PPME1: variants seen among roughly 807,000 people sequenced by gnomAD.
PPME1 encodes testicular secretory protein Li 39.
A neutral mutation model predicts 56.9 loss-of-function variants in PPME1; 17 were observed. That is an observed-to-expected ratio of 0.30 (90% CI 0.20 to 0.45). The LOEUF (loss-of-function observed/expected upper bound fraction) is 0.45, where lower values mean the gene tolerates loss of function less well. Ranked by LOEUF, PPME1 falls within the 20% of genes least tolerant of loss-of-function variation. The pLI is 1.00. For missense variants in PPME1, 357 were observed against 483.2 expected, an observed-to-expected ratio of 0.74 and a Z score of 2.45; for synonymous variants, 122 against 156.2, an observed-to-expected ratio of 0.78 and a Z score of 1.63.
At position 74,251,635 on chromosome 11, in the gene PPME1, C is replaced by G. The variant is rs779228861; in HGVS notation, c.1075-13C>G. On this transcript the variant is annotated splice_polypyrimidine_tract_variant and intron_variant, in intron 12 of 13. Coordinates refer to ENST00000328257, the MANE Select transcript of PPME1 (RefSeq NM_016147.3). ...AACCTTTATATGGCCTGGAATATCT[C>G]TCCCATTTCCAGGTAGCTGAAGCTG... 1 of 1,612,476 alleles carries G rather than the reference C, an allele frequency of 6.2e-7. No individual in the cohort carries two copies. The highest frequency in any genetic ancestry group is 2.2e-5 in the East Asian group (1 of 44,886).
intron 1 of PPME1, among the ~76,000 whole-genome samples, chr11:74,172,045 A>G (rs1857258856): frequency 6.6e-6 from 1 of 152,208 alleles, no homozygotes; most frequent in Non-Finnish European, 1.5e-5. Context: ...AGAAGGAAAG[A>G]GGAGAACTAG....
chr11:74,180,356 A>G (rs1489723998), intron 1 of PPME1, among the ~76,000 whole-genome samples: 2 of 152,172 alleles, frequency 1.3e-5, no homozygotes, highest in African/African-American at 2.4e-5. Context: ...GGTGCTTAGA[A>G]TGCTGTCTCC....
In PPME1 at chr11:74,230,811, A is replaced by C; in HGVS notation, c.554-101A>C. On this transcript the variant is annotated intron_variant, in intron 6 of 13. Transcript: ENST00000328257. This position sits in a 1 kb window ranked among gnomAD's most constrained non-coding sequence, Gnocchi z 4.9. ...TTTATTTCTCTGCGAGCATCACTAA[A>C]TTCTGCTGTCATCAAGAGCAGATAT... 1.1e-6 allele frequency: 1 copy of C among 938,878 alleles called. No individual in the cohort carries two copies. Among genetic ancestry groups the C allele is most frequent in the East Asian group, 2.6e-5 (1 of 37,802 alleles). 58.2% of individuals were successfully genotyped at this position (938,878 alleles called of 1,614,324 possible).
At chr11:74,207,602 G>T (rs1858359618) in intron 3 of PPME1, among the ~76,000 whole-genome samples, 1 of 152,162 alleles carries the variant, frequency 6.6e-6, no homozygotes, top group Non-Finnish European at 1.5e-5. Context: ...AGTGATTGTA[G>T]TTGCTGCTAC....
chr11:74,202,032 C>T (rs535877186), intron 1 of PPME1, among the ~76,000 whole-genome samples: 2 of 152,246 alleles, frequency 1.3e-5, no homozygotes, highest in Non-Finnish European at 1.5e-5. Flanking sequence ...TAGGATTATC[C>T]ATCTACTGAG....
intron 5 of PPME1, among the ~76,000 whole-genome samples, chr11:74,226,512 A>G (rs551128753): frequency 3.6e-4 from 55 of 152,354 alleles, no homozygotes; most frequent in African/African-American, 1.3e-3. Context: ...CATTAATATG[A>G]GAGCAATATA....
chr11:74,208,454 C>T (rs977895669), intron 3 of PPME1, among the ~76,000 whole-genome samples: 6 of 152,072 alleles, frequency 3.9e-5, no homozygotes, highest in African/African-American at 1.4e-4. Context: ...TCTTCCTGTT[C>T]TTACGATGTT....
intron 1 of PPME1, among the ~76,000 whole-genome samples, chr11:74,174,895 T>C (rs1433477003): frequency 6.6e-6 from 1 of 152,218 alleles, no homozygotes; most frequent in African/African-American, 2.4e-5. Context: ...AATCTAAGTT[T>C]AGTCTCTAGA....
chr11:74,214,536 T>TC (rs1858572376), intron 3 of PPME1, among the ~76,000 whole-genome samples: 1 of 150,882 alleles, frequency 6.6e-6, no homozygotes. Context: ...ATAATCAAAC[T>TC]CCCAGAGGTC....
intron 1 of PPME1, among the ~76,000 whole-genome samples, chr11:74,185,284 C>T (rs1312827665): frequency 1.3e-5 from 2 of 152,078 alleles, no homozygotes; most frequent in Non-Finnish European, 2.9e-5. Flanking sequence ...AGGTGTGAGC[C>T]ACCGCGCCTG....
At chr11:74,241,184 A>G (rs1183074977) in intron 9 of PPME1, among the ~76,000 whole-genome samples, 1 of 152,218 alleles carries the variant, frequency 6.6e-6, no homozygotes, top group Admixed American at 6.5e-5. Context: ...CCACTAATCT[A>G]ATCTCTATAG....
chr11:74,190,498 C>T (rs182908830), intron 1 of PPME1, among the ~76,000 whole-genome samples: 409 of 152,332 alleles, frequency 2.7e-3, no homozygotes, highest in Non-Finnish European at 4.7e-3. Flanking sequence ...GAAACAGATA[C>T]TGGTAGCATG....
chr11:74,197,599 C>T (rs1013881043), intron 1 of PPME1, among the ~76,000 whole-genome samples: 1 of 152,092 alleles, frequency 6.6e-6, no homozygotes, highest in African/African-American at 2.4e-5. Context: ...AAGTGACTGC[C>T]CAAAGTCCCA....
intron 1 of PPME1, among the ~76,000 whole-genome samples, chr11:74,182,976 G>C (rs1857579344): frequency 6.9e-6 from 1 of 145,970 alleles, no homozygotes; most frequent in Non-Finnish European, 1.5e-5. Context: ...GGGCAACATA[G>C]CTAGACCTTG....
At chr11:74,210,214 A>G (rs1000575945) in intron 3 of PPME1, among the ~76,000 whole-genome samples, 1 of 152,232 alleles carries the variant, frequency 6.6e-6, no homozygotes, top group Admixed American at 6.5e-5. Flanking sequence ...AGAAAATATT[A>G]TCAGTATGAT....
intron 1 of PPME1, among the ~76,000 whole-genome samples, chr11:74,181,339 C>T (rs1248485730): frequency 1.3e-5 from 2 of 152,138 alleles, no homozygotes; most frequent in Admixed American, 6.5e-5. Context: ...TGAGCCACCG[C>T]GCCCGGCCCA....
chr11:74,220,066 AC>A (rs1377252283), intron 3 of PPME1, among the ~76,000 whole-genome samples: 1 of 152,174 alleles, frequency 6.6e-6, no homozygotes, highest in Non-Finnish European at 1.5e-5. Flanking sequence ...TTTTTAAAAA[AC>A]AATACCATTT....
intron 1 of PPME1, among the ~76,000 whole-genome samples, chr11:74,180,522 C>A (rs1315451120): frequency 6.6e-6 from 1 of 152,162 alleles, no homozygotes; most frequent in Non-Finnish European, 1.5e-5. Flanking sequence ...ATAATAGAAT[C>A]TCTATTTCAA....
intron 13 of PPME1, among the ~76,000 whole-genome samples, chr11:74,252,908 T>C (rs1859740190): frequency 6.6e-6 from 1 of 152,152 alleles, no homozygotes; most frequent in Non-Finnish European, 1.5e-5. Context: ...CTCAGCCAGC[T>C]CCTAGTCTGT....
Sources: allele counts gnomAD v4.1 joint callset (sites outside exome capture counted in the v4.1 genomes callset), GRCh38; gene constraint gnomAD v4.1.1; non-coding constraint Gnocchi (gnomAD v3.1); transcripts MANE v1.5; gene names NCBI Gene and HGNC (gene_info 2026-07-23, HGNC 2026-07-21).